Variants in AAMDC observed in about 807,000 individuals in gnomAD.
The protein encoded by AAMDC is mth938 domain-containing protein.
AAMDC carries 16 observed loss-of-function variants against 15.5 expected under a neutral mutation model. That is an observed-to-expected ratio of 1.03 (90% CI 0.70 to 1.57). AAMDC has a LOEUF of 1.57. Among genes scored for constraint, AAMDC ranks in the 40% most tolerant of loss-of-function variants. The probability of loss-of-function intolerance (pLI) is 0.00; values close to 1 mark genes in which losing one functional copy is unlikely to be tolerated. For missense variants in AAMDC, 141 were observed against 144.9 expected (o/e 0.97, Z 0.14); for synonymous variants, 51 against 51.6 (o/e 0.99, Z 0.05).
At chr11:77,889,939 T>C (rs181262621) in intron 5 of AAMDC, among the ~76,000 whole-genome samples, 4 of 152,290 alleles carry the variant, frequency 2.6e-5, no homozygotes, top group African/African-American at 9.6e-5. Context: ...AGTGAAGTTT[T>C]TTTCAGGGAC....
rs140924044 is a variant in AAMDC at position 77,869,817 on chromosome 11, G to A, written c.228G>A (p.Lys76=). 80 of 1,613,112 alleles carry A rather than the reference G, an allele frequency of 5.0e-5. No homozygotes were observed. In the African/African-American group the frequency reaches 9.7e-4, roughly 20 times the overall value. Residue 76 remains lysine, a splice_region_variant and synonymous_variant, in exon 3 of 4, where the codon AAG becomes AAA. Coordinates refer to ENST00000393427, the MANE Select transcript of AAMDC (RefSeq NM_024684.4). The part of the protein sequence containing the change: ...VIGRGMSEAL[K]VPSSTVEYLK... The stretch of plus-strand genomic sequence containing the variant: ...GCCGAGGGATGAGTGAGGCCTTGAA[G>A]GTAGGTGTTGGTATGCACAGCATTC...
In AAMDC at chr11:77,858,932, T is replaced by A. The variant is rs538581751; in HGVS notation, c.133-10790T>A. Among the ~76,000 whole-genome samples, 8 of 152,350 alleles carry A rather than the reference T, an allele frequency of 5.3e-5. No homozygotes were observed. In the South Asian group the frequency reaches 1.7e-3, roughly 32 times the overall value. ...GATACAGGGATTGAAATGCATGGCC[T>A]GCAGTGCAGGGGATTATTTCTTTGG... On this transcript the variant is annotated intron_variant, in intron 2 of 3. Coordinates refer to ENST00000393427, the MANE Select transcript of AAMDC (RefSeq NM_024684.4).
chr11:77,869,913 T>C, intron 3 of AAMDC, 96 bp downstream of exon 3: 3 of 1,168,608 alleles, frequency 2.6e-6, no homozygotes, highest in East Asian at 2.4e-5. Context: ...CATCTTTATA[T>C]ATCATGTACC....
chr11:77,899,493 G>A, intron 5 of AAMDC, among the ~76,000 whole-genome samples: 1 of 151,938 alleles, frequency 6.6e-6, no homozygotes, highest in East Asian at 1.9e-4. Context: ...CTAACATGGT[G>A]AAACCCGTCT....
chr11:77,879,024 T>C lies in AAMDC; in HGVS notation c.328+1975T>C, dbSNP rs747665040. On this transcript the variant is annotated intron_variant, in intron 5 of 5. Transcript: ENST00000304716. The stretch of plus-strand genomic sequence containing the variant: ...AGGGAATGGTGCCCTCGATGCTGGT[T>C]TCCACCTGTGGTGACATCTCACCAC... The C allele has an allele frequency of 7.4e-6, 12 of 1,614,178 alleles. No homozygotes were observed. The South Asian group carries it at 1.2e-4, about 16-fold the overall frequency.
chr11:77,870,653 T>C (rs1951386997), intron 3 of AAMDC, among the ~76,000 whole-genome samples: 1 of 152,070 alleles, frequency 6.6e-6, no homozygotes, highest in Admixed American at 6.6e-5. Context: ...TTAATTTTCT[T>C]ACAGAAATAA....
chr11:77,823,637 A>AT, intron 1 of AAMDC, among the ~76,000 whole-genome samples: 1 of 151,546 alleles, frequency 6.6e-6, no homozygotes, highest in South Asian at 2.1e-4. Flanking sequence ...AAAAAAAAAA[A>AT]AAAAAGAATA....
At chr11:77,823,621 CAAAAA>C (rs397970373) in intron 1 of AAMDC, among the ~76,000 whole-genome samples, 3 of 97,644 alleles carry the variant, frequency 3.1e-5, no homozygotes, top group Non-Finnish European at 5.9e-5. Context: ...CACCCTGTCT[CAAAAA>C]AAAAAAAAAA....
downstream of AAMDC, among the ~76,000 whole-genome samples, chr11:77,875,740 T>TAAGAGACAC (rs1267541492): frequency 6.6e-6 from 1 of 152,140 alleles, no homozygotes; most frequent in Non-Finnish European, 1.5e-5. Context: ...TCCAAGCCCA[T>TAAGAGACAC]AAGAGACACA....
At chr11:77,857,068 T>C (rs975935213) in intron 2 of AAMDC, among the ~76,000 whole-genome samples, 1 of 152,340 alleles carries the variant, frequency 6.6e-6, no homozygotes, top group African/African-American at 2.4e-5. Context: ...GCATATATCA[T>C]CACCCAACAT....
chr11:77,891,879 T>C, intron 5 of AAMDC: 1 of 1,610,310 alleles, frequency 6.2e-7, no homozygotes, highest in South Asian at 1.1e-5. Context: ...CATTCAACTG[T>C]GCACTCATTC....
At chr11:77,834,311 A>C (rs1456769203) in intron 1 of AAMDC, among the ~76,000 whole-genome samples, 1 of 152,212 alleles carries the variant, frequency 6.6e-6, no homozygotes, top group Admixed American at 6.5e-5. Flanking sequence ...GAAGATGCAA[A>C]GTTTCTACAG....
At chr11:77,872,375 T>A, downstream of AAMDC, 2 of 1,541,842 alleles carry the variant, frequency 1.3e-6, no homozygotes, top group East Asian at 2.3e-5. Flanking sequence ...TCACTCACCA[T>A]TCTCCAAACC....
At chr11:77,893,737 A>G (rs1304532569) in intron 5 of AAMDC, among the ~76,000 whole-genome samples, 1 of 152,092 alleles carries the variant, frequency 6.6e-6, no homozygotes, top group Non-Finnish European at 1.5e-5. Flanking sequence ...TACTAAAAAT[A>G]CAAAAATTAG....
chr11:77,901,713 A>G (rs926044613), downstream of AAMDC, among the ~76,000 whole-genome samples: 6 of 152,092 alleles, frequency 3.9e-5, no homozygotes, highest in African/African-American at 1.4e-4. Context: ...ATGCCTTGTA[A>G]AAAGAGAATA....
At chr11:77,835,379 T>C (rs1225044390) in intron 1 of AAMDC, among the ~76,000 whole-genome samples, 1 of 152,118 alleles carries the variant, frequency 6.6e-6, no homozygotes. Context: ...TTCCTAGACT[T>C]TGGGATAACT....
intron 2 of AAMDC, among the ~76,000 whole-genome samples, chr11:77,867,369 T>A (rs548826298): frequency 6.6e-6 from 1 of 152,340 alleles, no homozygotes; most frequent in Non-Finnish European, 1.5e-5. Flanking sequence ...ATGTCTTCCA[T>A]GACAGTTTCC....
Position 77,881,303 on chromosome 11 carries a change from C to T in AAMDC, c.328+4254C>T, listed in dbSNP as rs142238697. On this transcript the variant is annotated intron_variant, in intron 5 of 5. Transcript: ENST00000304716. ...ACATGGTCTATGACTGAGCTTCCTA[C>T]GTGGCAGCATCCTGCCTCCCAGAGG... 2.2e-4 allele frequency among the ~76,000 whole-genome samples: 34 copies of T among 152,310 alleles called. 1 individual carries two copies. The South Asian group carries it at 2.9e-3, about 13-fold the overall frequency.
At chr11:77,836,208 A>C (rs975761099) in intron 1 of AAMDC, among the ~76,000 whole-genome samples, 3 of 152,084 alleles carry the variant, frequency 2.0e-5, no homozygotes, top group African/African-American at 7.2e-5. Flanking sequence ...TTTCTTACTT[A>C]GAAATTGCTG....
Sources: gnomAD v4.1 joint callset for allele counts (sites outside exome capture counted in the v4.1 genomes callset) on GRCh38, gnomAD v4.1.1 for gene constraint, MANE v1.5 for transcripts, NCBI Gene and HGNC (gene_info 2026-07-23, HGNC 2026-07-21) for gene names.